Variants in RAB7B observed in about 807,000 individuals in gnomAD.
The protein encoded by RAB7B is RAB7B, member RAS oncogene family.
At chr1:205,986,020 C>T (rs1441720859) in intron 4 of RAB7B, among the ~76,000 whole-genome samples, 3 of 152,258 alleles carry the variant, frequency 2.0e-5, no homozygotes, top group African/African-American at 7.2e-5. Context: ...AATTACAGCC[C>T]ACTGCACTTT....
chr1:205,985,544 G>T lies in RAB7B; in HGVS notation c.518C>A (p.Ser173Ter). The T allele has an allele frequency of 2.5e-6, 1 of 398,768 alleles. No individual in the cohort carries two copies. The highest frequency in any genetic ancestry group is 4.4e-6 in the Non-Finnish European group (1 of 226,214). The allele number at this position is 398,768 out of a possible 1,614,324, so 24.7% of individuals were successfully genotyped here. A position where few individuals can be genotyped will look rare whatever the true frequency, so the allele number is the denominator to read the frequency against. The change falls in exon 5 of 6, where the codon TCG becomes TAG. Residue 173 changes from serine to a stop codon, truncating the protein, a stop_gained. Transcript: ENST00000617070. LOFTEE classifies it high-confidence loss of function. ...CCTGCCGCCACAGCCACTCACCCTC[G>T]ACAGAGCCCTACTGGCCAGCATCTC... ...AFEMLASRAL[S>*]RYQSILENHL...
chr1:205,991,026 C>T (rs1660714062), intron 4 of RAB7B, among the ~76,000 whole-genome samples: 1 of 152,126 alleles, frequency 6.6e-6, no homozygotes, highest in African/African-American at 2.4e-5. Context: ...CTGCCTCTGC[C>T]TCCCAAAGTG....
chr1:205,992,012 A>G (rs1660729998), intron 4 of RAB7B, among the ~76,000 whole-genome samples: 1 of 152,252 alleles, frequency 6.6e-6, no homozygotes, highest in South Asian at 2.1e-4. Context: ...AGAATTTATA[A>G]CTGCAGACCT....
At chr1:205,992,356 G>A in intron 4 of RAB7B, 124 bp downstream of exon 4, 1 of 397,392 alleles carries the variant, frequency 2.5e-6, no homozygotes, top group Non-Finnish European at 4.4e-6. Context: ...CTACTAGACT[G>A]TGAAATTCCT....
intron 4 of RAB7B, among the ~76,000 whole-genome samples, chr1:205,986,895 G>T (rs1485827212): frequency 1.3e-5 from 2 of 152,120 alleles, no homozygotes; most frequent in Non-Finnish European, 2.9e-5. Context: ...CTGTTTAATT[G>T]TCTCTGTGGC....
At chr1:205,993,238 C>T (rs1407364013) in intron 3 of RAB7B, among the ~76,000 whole-genome samples, 182 bp downstream of exon 3, 14 of 152,048 alleles carry the variant, frequency 9.2e-5, no homozygotes, top group African/African-American at 3.4e-4. Context: ...ATGGCTGTGC[C>T]CCAGTGAAGT....
chr1:205,996,951 T>C (rs1248546567), intron 1 of RAB7B, among the ~76,000 whole-genome samples: 2 of 152,082 alleles, frequency 1.3e-5, no homozygotes, highest in African/African-American at 4.8e-5. Context: ...TCCCACAAGG[T>C]CTCTTCCCCA....
At chr1:205,994,406 C>T (rs1457869587) in intron 1 of RAB7B, 11 of 275,982 alleles carry the variant, frequency 4.0e-5, no homozygotes, top group Non-Finnish European at 7.4e-5. Flanking sequence ...CTCAGCTCTA[C>T]CAACCCTGCT....
chr1:205,987,773 G>A lies in RAB7B; in HGVS notation c.397-2108C>T, dbSNP rs1660638650. Among the ~76,000 whole-genome samples, 3 of 151,964 alleles carry A rather than the reference G, an allele frequency of 2.0e-5. No homozygotes were observed. In the South Asian group the frequency reaches 6.2e-4, roughly 31 times the overall value. On this transcript the variant is annotated intron_variant, in intron 4 of 5. Coordinates refer to ENST00000617070, the MANE Select transcript of RAB7B (RefSeq NM_001164522.3). ...TTTTCAATATTACCTTCTGTAGAAG[G>A]AACAGGGATTTTTTTTTAAACTAAA...
At chr1:205,991,921 G>T (rs1660727965) in intron 4 of RAB7B, among the ~76,000 whole-genome samples, 1 of 152,234 alleles carries the variant, frequency 6.6e-6, no homozygotes, top group African/African-American at 2.4e-5. Flanking sequence ...CAGACCAACT[G>T]TCAAGTGGTT....
chr1:205,979,441 G>T (rs959308724), intron 5 of RAB7B, among the ~76,000 whole-genome samples: 1 of 151,978 alleles, frequency 6.6e-6, no homozygotes, highest in Non-Finnish European at 1.5e-5. Context: ...GGGCCCTTTT[G>T]CTTCTCCAGT....
chr1:205,998,053 G>C (rs1273974822), intron 1 of RAB7B, among the ~76,000 whole-genome samples: 3 of 152,178 alleles, frequency 2.0e-5, no homozygotes, highest in Non-Finnish European at 4.4e-5. Flanking sequence ...GCTAGTGTTT[G>C]AATCAAAGGC....
chr1:205,978,956 C>A, intron 5 of RAB7B, 28 bp from the exon 6 acceptor site: 1 of 398,756 alleles, frequency 2.5e-6, no homozygotes, highest in South Asian at 1.3e-4. Flanking sequence ...GGCCGGCATT[C>A]ATGTCCTGAG....
At chr1:205,980,675 C>T (rs909276758) in intron 5 of RAB7B, among the ~76,000 whole-genome samples, 1 of 152,194 alleles carries the variant, frequency 6.6e-6, no homozygotes, top group Admixed American at 6.5e-5. Flanking sequence ...AGCCAGCCCA[C>T]TTCCCTCCAC....
chr1:205,989,611 C>G (rs1660682414), intron 4 of RAB7B, among the ~76,000 whole-genome samples: 1 of 152,130 alleles, frequency 6.6e-6, no homozygotes, highest in Non-Finnish European at 1.5e-5. Flanking sequence ...CCCCGATCTC[C>G]TTTCCCTCAA....
intron 4 of RAB7B, among the ~76,000 whole-genome samples, chr1:205,988,177 G>GTA (rs1412989474): frequency 2.3e-4 from 34 of 148,704 alleles, no homozygotes; most frequent in Admixed American, 1.1e-3. Flanking sequence ...AAATATGTGT[G>GTA]TATATATATG....
intron 1 of RAB7B, among the ~76,000 whole-genome samples, chr1:205,996,513 A>G (rs1660815040): frequency 6.6e-6 from 1 of 152,186 alleles, no homozygotes; most frequent in Non-Finnish European, 1.5e-5. Flanking sequence ...TGAGCCCCAA[A>G]GACTCAAGAT....
intron 5 of RAB7B, among the ~76,000 whole-genome samples, chr1:205,982,483 A>T (rs929436488): frequency 3.9e-5 from 6 of 152,166 alleles, no homozygotes; most frequent in Non-Finnish European, 7.4e-5. Flanking sequence ...TGAAAACCCT[A>T]TGATGCAGCT....
At chr1:206,002,395 T>C (rs1660905544) in intron 1 of RAB7B, among the ~76,000 whole-genome samples, 2 of 152,208 alleles carry the variant, frequency 1.3e-5, no homozygotes, top group Admixed American at 6.5e-5. Flanking sequence ...CACCTCTCTG[T>C]ATCCCACTAA....
Sources: gnomAD v4.1 joint callset for allele counts (sites outside exome capture counted in the v4.1 genomes callset) on GRCh38, gnomAD v4.1.1 for gene constraint, MANE v1.5 for transcripts, NCBI Gene and HGNC (gene_info 2026-07-23, HGNC 2026-07-21) for gene names.